GNPTAB: variants seen among roughly 807,000 people sequenced by gnomAD.
GNPTAB encodes the protein N-acetylglucosamine-1-phosphate transferase subunits alpha and beta.
A neutral mutation model predicts 136.6 loss-of-function variants in GNPTAB; 92 were observed. The observed-to-expected ratio is 0.67, with a 90% confidence interval of 0.57 to 0.80. GNPTAB has a LOEUF of 0.80. Ranked by LOEUF, GNPTAB falls within the 30% of genes least tolerant of loss-of-function variation. The pLI is 0.00. For synonymous variants in GNPTAB, 512 were observed against 535.1 expected, an observed-to-expected ratio of 0.96 and a Z score of 0.60; for missense variants, 1,343 against 1,501.8, an observed-to-expected ratio of 0.89 and a Z score of 1.75.
intron 10 of GNPTAB, among the ~76,000 whole-genome samples, chr12:101,768,939 T>C (rs1486381374): frequency 6.6e-6 from 1 of 152,302 alleles, no homozygotes; most frequent in East Asian, 1.9e-4. Flanking sequence ...CACCACACAG[T>C]CATTGATCTT....
At chr12:101,801,683 C>T (rs534421690) in intron 1 of GNPTAB, among the ~76,000 whole-genome samples, 6 of 151,722 alleles carry the variant, frequency 4.0e-5, no homozygotes, top group Non-Finnish European at 7.4e-5. Flanking sequence ...TTCTCTGGCC[C>T]GCCAAAATCT....
intron 2 of GNPTAB, among the ~76,000 whole-genome samples, chr12:101,793,562 A>G (rs1869115817): frequency 6.6e-6 from 1 of 152,198 alleles, no homozygotes; most frequent in East Asian, 1.9e-4. Flanking sequence ...TTGTTTTCCT[A>G]TTAGACATGG....
chr12:101,809,474 G>A (rs552419120), intron 1 of GNPTAB, among the ~76,000 whole-genome samples: 49 of 152,300 alleles, frequency 3.2e-4, no homozygotes, highest in African/African-American at 1.1e-3. Context: ...GCACATAAAC[G>A]TATATAGCAG....
intron 1 of GNPTAB, among the ~76,000 whole-genome samples, chr12:101,824,433 T>TATATATATATATATATA (rs1423746036): frequency 1.7e-3 from 155 of 90,536 alleles, no homozygotes; most frequent in East Asian, 5.8e-3. Flanking sequence ...TATATATATA[T>TATATATATATATATATA]TTTCTTTTTT....
At chr12:101,812,409 C>T (rs944969018) in intron 1 of GNPTAB, among the ~76,000 whole-genome samples, 2 of 152,182 alleles carry the variant, frequency 1.3e-5, no homozygotes, top group Non-Finnish European at 2.9e-5. Context: ...GTCAGGGACA[C>T]AAATCCAAAC....
At chr12:101,824,415 T>C (rs1406844006) in intron 1 of GNPTAB, among the ~76,000 whole-genome samples, 1 of 108,376 alleles carries the variant, frequency 9.2e-6, no homozygotes, top group Non-Finnish European at 1.9e-5. Flanking sequence ...CATATATATA[T>C]ATATATATAT....
chr12:101,786,535 A>G (rs763177712), intron 4 of GNPTAB, among the ~76,000 whole-genome samples: 2 of 152,190 alleles, frequency 1.3e-5, no homozygotes, highest in Admixed American at 6.5e-5. Flanking sequence ...CATAATTCCA[A>G]TAAAGCCCAT....
intron 1 of GNPTAB, among the ~76,000 whole-genome samples, chr12:101,811,378 T>C (rs1870222853): frequency 1.1e-5 from 1 of 87,810 alleles, no homozygotes; most frequent in South Asian, 3.7e-4. Flanking sequence ...TTCACATAAT[T>C]TTTTCTTTTT....
chr12:101,766,741 A>G (rs1000163693), intron 11 of GNPTAB, among the ~76,000 whole-genome samples: 1 of 152,198 alleles, frequency 6.6e-6, no homozygotes, highest in Admixed American at 6.5e-5. Context: ...TCTTTAGTAG[A>G]AGATCTCATA....
intron 2 of GNPTAB, among the ~76,000 whole-genome samples, chr12:101,795,284 A>C (rs901155082): frequency 6.6e-6 from 1 of 152,178 alleles, no homozygotes. Context: ...ACTGCAAGCT[A>C]AAGTTTCAGA....
chr12:101,798,939 T>C (rs923766991), intron 1 of GNPTAB, among the ~76,000 whole-genome samples: 2 of 152,174 alleles, frequency 1.3e-5, no homozygotes, highest in African/African-American at 4.8e-5. Context: ...AGGAAAGTCA[T>C]GTCATTACAA....
At chr12:101,806,473 A>G (rs1869941083) in intron 1 of GNPTAB, among the ~76,000 whole-genome samples, 1 of 152,238 alleles carries the variant, frequency 6.6e-6, no homozygotes, top group Non-Finnish European at 1.5e-5. Context: ...AAGTTTGGGA[A>G]ATAGTCAGTG....
In GNPTAB at chr12:101,796,715, G is replaced by C; in HGVS notation, c.165C>G (p.Ser55=). ...SRDQYHVLFD[S]YRDNIAGKSF... ...ACTTTCCAGCAATATTGTCTCTATA[G>C]GAATCAAACAAAACATGGTATTGAT... Residue 55 remains serine, a synonymous_variant, in exon 2 of 21, where the codon TCC becomes TCG. Transcript: ENST00000299314. The C allele has an allele frequency of 6.2e-7, 1 of 1,612,640 alleles. No homozygotes were observed. Among genetic ancestry groups the C allele is most frequent in the Non-Finnish European group, 8.5e-7 (1 of 1,178,994 alleles).
In GNPTAB at chr12:101,764,413, G is replaced by A. The variant is rs550940255; in HGVS notation, c.2504C>T (p.Pro835Leu). The A allele has an allele frequency of 2.0e-5, 32 of 1,613,292 alleles. No homozygotes were observed. The East Asian group carries it at 7.1e-4, about 36-fold the overall frequency. ...TIGGNVTKEK[P>L]PSLIVPLESQ... is the part of the protein sequence containing the mutation. Reference sequence around the variant, plus strand: ...TTCCAGTGGAACAATCAGAGATGGGGGCTTTTCTTTTGTCACATTTCCGCC... The same window carrying A: ...TTCCAGTGGAACAATCAGAGATGGGAGCTTTTCTTTTGTCACATTTCCGCC... Residue 835 changes from proline to leucine, a missense_variant, in exon 13 of 21, where the codon CCC becomes CTC. Transcript: ENST00000299314.
At chr12:101,755,563 G>A (rs191174819) in intron 18 of GNPTAB, among the ~76,000 whole-genome samples, 87 of 152,240 alleles carry the variant, frequency 5.7e-4, no homozygotes, top group African/African-American at 2.0e-3. Flanking sequence ...TGTGTTAATG[G>A]TCTGTGGCCT....
rs1394722866 is a variant in GNPTAB at position 101,761,191 on chromosome 12, A to G, written c.3071T>C (p.Val1024Ala). ...TGTTCGGATTTCTCTGTCAGACAAG[A>G]CACCAGATTGATCTGTATCAACTTC... ...FDEVDTDQSG[V>A]LSDREIRTLA... Residue 1024 changes from valine to alanine, a missense_variant, in exon 15 of 21, where the codon GTC (valine) becomes GCC (alanine). Coordinates refer to ENST00000299314, the MANE Select transcript of GNPTAB (RefSeq NM_024312.5). 1 of 1,614,030 alleles carries G rather than the reference A, an allele frequency of 6.2e-7. No individual in the cohort carries two copies. Among genetic ancestry groups the G allele is most frequent in the Non-Finnish European group, 8.5e-7 (1 of 1,179,962 alleles).
intron 7 of GNPTAB, among the ~76,000 whole-genome samples, chr12:101,776,356 C>A (rs142359765): frequency 6.6e-6 from 1 of 152,106 alleles, no homozygotes; most frequent in East Asian, 1.9e-4. Context: ...ATTCTGTGTC[C>A]GTCATACACA....
intron 1 of GNPTAB, 26 bp from the exon 2 acceptor site, chr12:101,796,788 T>G: frequency 7.0e-7 from 1 of 1,430,860 alleles, no homozygotes; most frequent in South Asian, 1.1e-5. Context: ...AGAAACGTTT[T>G]CTTCGCATCA....
At chr12:101,793,253 C>T (rs559835472) in intron 2 of GNPTAB, among the ~76,000 whole-genome samples, 26 of 152,192 alleles carry the variant, frequency 1.7e-4, no homozygotes, top group African/African-American at 6.3e-4. Flanking sequence ...TGTAAATTAT[C>T]CAAGGTCATC....
Sources: gnomAD v4.1 joint callset for allele counts (sites outside exome capture counted in the v4.1 genomes callset) on GRCh38, gnomAD v4.1.1 for gene constraint, MANE v1.5 for transcripts, NCBI Gene and HGNC (gene_info 2026-07-23, HGNC 2026-07-21) for gene names.